Variants in SLC5A4 observed in about 807,000 individuals in gnomAD.
The protein encoded by SLC5A4 is probable glucose sensor protein SLC5A4.
SLC5A4 carries 55 observed loss-of-function variants against 70.3 expected under a neutral mutation model. The ratio of observed to expected loss-of-function variants is 0.78; its 90% CI spans 0.63 to 0.98. The LOEUF is 0.98. SLC5A4 is among the 50% of genes least tolerant of loss of function. SLC5A4 has a pLI of 0.00. For missense variants in SLC5A4, 735 were observed against 839.2 expected (o/e 0.88, Z 1.53); for synonymous variants, 268 against 305.7 (o/e 0.88, Z 1.29).
the SLC5A4 span, among the ~76,000 whole-genome samples, chr22:32,309,133 C>T: frequency 6.6e-6 from 1 of 152,092 alleles, no homozygotes; most frequent in Non-Finnish European, 1.5e-5. Flanking sequence ...TCTCTAGGTG[C>T]AGGGCATGTT....
the SLC5A4 span, among the ~76,000 whole-genome samples, chr22:32,289,398 G>T: frequency 1.3e-5 from 2 of 152,160 alleles, no homozygotes; most frequent in East Asian, 1.9e-4. Flanking sequence ...GAATCATGGG[G>T]GTGGTTTCTC....
the SLC5A4 span, among the ~76,000 whole-genome samples, chr22:32,349,044 G>C: frequency 2.6e-5 from 4 of 151,986 alleles, no homozygotes; most frequent in Non-Finnish European, 5.9e-5. Context: ...GGTGCGATTC[G>C]GCTCACTGCA....
intron 6 of SLC5A4, among the ~76,000 whole-genome samples, chr22:32,237,780 C>A (rs1926148722): frequency 6.6e-6 from 1 of 151,992 alleles, no homozygotes; most frequent in African/African-American, 2.4e-5. Flanking sequence ...TAGTGTTGAA[C>A]AACAACAACA....
chr22:32,250,802 G>C (rs1927095052), intron 3 of SLC5A4, among the ~76,000 whole-genome samples: 1 of 152,050 alleles, frequency 6.6e-6, no homozygotes, highest in Non-Finnish European at 1.5e-5. Flanking sequence ...CATGTCCTTT[G>C]CAGGGACATG....
At chr22:32,319,996 A>G in the SLC5A4 span, among the ~76,000 whole-genome samples, 1 of 152,288 alleles carries the variant, frequency 6.6e-6, no homozygotes. Flanking sequence ...GCCTCCAAGA[A>G]ATGGATCAAT....
the SLC5A4 span, among the ~76,000 whole-genome samples, chr22:32,279,028 G>C: frequency 6.6e-6 from 1 of 152,232 alleles, no homozygotes; most frequent in African/African-American, 2.4e-5. Context: ...TGTAATCCCA[G>C]CACTTTGGGA....
At chr22:32,226,863 C>T (rs1407955125) in intron 11 of SLC5A4, among the ~76,000 whole-genome samples, 1 of 152,094 alleles carries the variant, frequency 6.6e-6, no homozygotes, top group Non-Finnish European at 1.5e-5. Flanking sequence ...GGATGAACCT[C>T]ACTCCTGCTT....
chr22:32,251,149 C>CAAAAAAAAAAAAAAAAAAAA (rs1169115054), intron 3 of SLC5A4, among the ~76,000 whole-genome samples: 8 of 22,768 alleles, frequency 3.5e-4, no homozygotes, highest in Non-Finnish European at 4.2e-4. Flanking sequence ...AACAAATAAG[C>CAAAAAAAAAAAAAAAAAAAA]AAAAAAAAAA....
chr22:32,299,967 GGGGGTCA>G, the SLC5A4 span, among the ~76,000 whole-genome samples: 17 of 112,986 alleles, frequency 1.5e-4, no homozygotes, highest in Non-Finnish European at 2.7e-4. Context: ...TAGGCTGCTC[GGGGGTCA>G]GGGGTCAGGG....
chr22:32,314,631 G>A, the SLC5A4 span, among the ~76,000 whole-genome samples: 1 of 152,120 alleles, frequency 6.6e-6, no homozygotes, highest in African/African-American at 2.4e-5. Context: ...AAGTTCTGTG[G>A]ATAGATGGCA....
At chr22:32,307,010 G>A in the SLC5A4 span, among the ~76,000 whole-genome samples, 3 of 152,162 alleles carry the variant, frequency 2.0e-5, no homozygotes, top group Non-Finnish European at 4.4e-5. Context: ...TGACCAATGT[G>A]GAATCCTGCA....
chr22:32,325,222 G>A, the SLC5A4 span, among the ~76,000 whole-genome samples: 1 of 152,220 alleles, frequency 6.6e-6, no homozygotes, highest in African/African-American at 2.4e-5. Context: ...TGGGTGCTGG[G>A]GGCTCAGAAC....
chr22:32,221,709 T>A (rs910039707), intron 13 of SLC5A4, among the ~76,000 whole-genome samples: 8 of 152,162 alleles, frequency 5.3e-5, no homozygotes, highest in African/African-American at 1.7e-4. Context: ...CCTGGGTCAT[T>A]CTAAGGAAAT....
intron 5 of SLC5A4, among the ~76,000 whole-genome samples, chr22:32,240,297 G>A (rs886676257): frequency 6.6e-5 from 10 of 151,950 alleles, no homozygotes; most frequent in African/African-American, 2.4e-4. Context: ...CATAAAAAAA[G>A]GAGACTATGA....
chr22:32,289,375 G>A, the SLC5A4 span, among the ~76,000 whole-genome samples: 1 of 152,208 alleles, frequency 6.6e-6, no homozygotes, highest in Non-Finnish European at 1.5e-5. Context: ...GGTGGGACCA[G>A]GTGGAGATAA....
At chr22:32,240,596 A>G (rs527561268) in intron 5 of SLC5A4, among the ~76,000 whole-genome samples, 2 of 152,236 alleles carry the variant, frequency 1.3e-5, no homozygotes, top group Non-Finnish European at 2.9e-5. Flanking sequence ...TTTAAGAGAC[A>G]AATTGCGTAA....
the SLC5A4 span, among the ~76,000 whole-genome samples, chr22:32,331,377 CG>C: frequency 6.6e-6 from 1 of 152,026 alleles, no homozygotes; most frequent in South Asian, 2.1e-4. Flanking sequence ...GATGGCGGCA[CG>C]GGGGAAATGG....
At chr22:32,278,372 A>C in the SLC5A4 span, among the ~76,000 whole-genome samples, 110 of 152,198 alleles carry the variant, frequency 7.2e-4, 1 homozygote, top group Non-Finnish European at 1.1e-3. Context: ...TATAATATGC[A>C]CATTTCTTAC....
At chr22:32,352,406 TTA>T in the SLC5A4 span, among the ~76,000 whole-genome samples, 1 of 138,684 alleles carries the variant, frequency 7.2e-6, no homozygotes, top group Admixed American at 7.0e-5. Context: ...ACCCCAGAAA[TTA>T]AAAAAAAAAA....
Sources: allele counts gnomAD v4.1 joint callset (sites outside exome capture counted in the v4.1 genomes callset), GRCh38; gene constraint gnomAD v4.1.1; transcripts MANE v1.5; gene names NCBI Gene and HGNC (gene_info 2026-07-23, HGNC 2026-07-21).